The following TENM2 variants were observed in gnomAD, a reference collection of about 807,000 sequenced individuals.
TENM2 encodes teneurin transmembrane protein 2.
Under a neutral mutation model 245.2 loss-of-function variants are expected in TENM2, and 52 were observed. That is an observed-to-expected ratio of 0.21 (90% CI 0.17 to 0.27). TENM2 has a LOEUF of 0.27. Ranked by LOEUF, TENM2 falls within the 10% of genes least tolerant of loss-of-function variation. The pLI is 1.00. For missense variants in TENM2, 3,046 were observed against 3,666.8 expected (o/e 0.83, Z 4.37); for synonymous variants, 1,363 against 1,438.9 (o/e 0.95, Z 1.19).
At chr5:167,561,360 G>T (rs1157472425) in intron 2 of TENM2, among the ~76,000 whole-genome samples, 1 of 152,144 alleles carries the variant, frequency 6.6e-6, no homozygotes, top group Non-Finnish European at 1.5e-5. Flanking sequence ...GGAGCCCAAG[G>T]TCATTGTATA....
At chr5:167,051,285 T>C in the TENM2 span, among the ~76,000 whole-genome samples, 1 of 151,970 alleles carries the variant, frequency 6.6e-6, no homozygotes, top group Non-Finnish European at 1.5e-5. Context: ...CTGTGCCACA[T>C]TTATTTTTAT....
chr5:167,319,641 T>C (rs1756595857), intron 1 of TENM2, among the ~76,000 whole-genome samples: 2 of 152,172 alleles, frequency 1.3e-5, no homozygotes, highest in Admixed American at 6.5e-5. Context: ...ATAACATGCA[T>C]CTATTTGAAG....
chr5:167,823,871 G>T (rs1767743444), intron 2 of TENM2, among the ~76,000 whole-genome samples: 1 of 152,176 alleles, frequency 6.6e-6, no homozygotes, highest in Non-Finnish European at 1.5e-5. Context: ...GGCTGGGGAA[G>T]TAGAGAAGCT....
At chr5:167,490,374 A>G (rs1005770796) in intron 2 of TENM2, among the ~76,000 whole-genome samples, 1 of 150,686 alleles carries the variant, frequency 6.6e-6, no homozygotes, top group Admixed American at 6.7e-5. Context: ...CAAAACAGAG[A>G]TATTAATATC....
chr5:167,207,295 G>C, the TENM2 span, among the ~76,000 whole-genome samples: 1 of 152,132 alleles, frequency 6.6e-6, no homozygotes, highest in Admixed American at 6.5e-5. Flanking sequence ...ACACATGAAC[G>C]GGACACGCCC....
chr5:167,839,600 A>G (rs1404733242), intron 2 of TENM2, among the ~76,000 whole-genome samples: 1 of 151,996 alleles, frequency 6.6e-6, no homozygotes, highest in Non-Finnish European at 1.5e-5. Context: ...TAAAGAATGG[A>G]GACCAAAATG....
At chr5:167,088,239 G>A in the TENM2 span, among the ~76,000 whole-genome samples, 1 of 152,058 alleles carries the variant, frequency 6.6e-6, no homozygotes, top group African/African-American at 2.4e-5. Flanking sequence ...TCCTGTATTT[G>A]GAAATAAATC....
chr5:167,524,774 AAC>A (rs888568378), intron 2 of TENM2, among the ~76,000 whole-genome samples: 1 of 151,732 alleles, frequency 6.6e-6, no homozygotes, highest in African/African-American at 2.4e-5. Flanking sequence ...CTATTTTCGA[AAC>A]AGTTCCCCAA....
At chr5:167,832,566 C>T (rs1428443999) in intron 2 of TENM2, among the ~76,000 whole-genome samples, 2 of 151,804 alleles carry the variant, frequency 1.3e-5, no homozygotes, top group South Asian at 2.1e-4. Context: ...TGCATGTTAG[C>T]ATATATGTGC....
At chr5:168,039,612 G>A (rs1009239953) in intron 5 of TENM2, among the ~76,000 whole-genome samples, 3 of 152,152 alleles carry the variant, frequency 2.0e-5, no homozygotes, top group East Asian at 3.9e-4. Flanking sequence ...CACTCTGTGC[G>A]GCTAATGGCT....
At chr5:167,881,508 C>T (rs895421817) in intron 3 of TENM2, among the ~76,000 whole-genome samples, 2 of 152,106 alleles carry the variant, frequency 1.3e-5, no homozygotes, top group African/African-American at 4.8e-5. Context: ...CTATAGTAAC[C>T]ACCTTTATTT....
chr5:167,352,809 A>G (rs888974321), intron 1 of TENM2, among the ~76,000 whole-genome samples: 7 of 152,230 alleles, frequency 4.6e-5, no homozygotes, highest in African/African-American at 1.4e-4. Context: ...CATTAACGCA[A>G]AATAATAAGT....
chr5:167,950,964 T>C lies in TENM2; in HGVS notation c.713-1624T>C, dbSNP rs183392012. On this transcript the variant is annotated intron_variant, in intron 3 of 28. Coordinates refer to ENST00000518659, the Ensembl canonical transcript of TENM2. ...ACTGGGTTTTTGTTGTCACTGTCCT[T>C]TTCTAAACATCACAAAGAAAACAAA... Among the ~76,000 whole-genome samples the C allele has an allele frequency of 9.4e-4, 143 of 152,312 alleles. 1 individual carries two copies. The highest frequency in any genetic ancestry group is 4.0e-3 in the Admixed American group (61 of 15,290).
At chr5:167,832,192 T>C (rs1289454598) in intron 2 of TENM2, among the ~76,000 whole-genome samples, 1 of 152,180 alleles carries the variant, frequency 6.6e-6, no homozygotes, top group Non-Finnish European at 1.5e-5. Context: ...ATTAAAAAAT[T>C]AAAGAGGAAA....
At chr5:168,043,793 T>C (rs1408895960) in intron 5 of TENM2, among the ~76,000 whole-genome samples, 1 of 152,234 alleles carries the variant, frequency 6.6e-6, no homozygotes, top group Non-Finnish European at 1.5e-5. Context: ...TGATAAAGTA[T>C]GTGCTGAATT....
intron 2 of TENM2, among the ~76,000 whole-genome samples, chr5:167,491,938 A>G (rs1242253237): frequency 6.6e-6 from 1 of 152,176 alleles, no homozygotes; most frequent in Non-Finnish European, 1.5e-5. Context: ...CTGCCCTAAC[A>G]AAGCAGAATA....
chr5:167,310,460 T>C (rs1399242529), intron 1 of TENM2, among the ~76,000 whole-genome samples: 1 of 152,132 alleles, frequency 6.6e-6, no homozygotes, highest in African/African-American at 2.4e-5. Flanking sequence ...CTGGCACTTG[T>C]TTTTTTCAAA....
chr5:167,072,730 C>G, the TENM2 span, among the ~76,000 whole-genome samples: 40 of 152,252 alleles, frequency 2.6e-4, no homozygotes, highest in South Asian at 7.1e-3. Context: ...ATGATATACC[C>G]CACATGCTAT....
At chr5:167,948,584 A>C (rs1261812201) in intron 3 of TENM2, among the ~76,000 whole-genome samples, 1 of 152,234 alleles carries the variant, frequency 6.6e-6, no homozygotes. Flanking sequence ...AATAAATTCC[A>C]GGTTCTGGAC....
Sources: allele counts gnomAD v4.1 joint callset (sites outside exome capture counted in the v4.1 genomes callset), GRCh38; gene constraint gnomAD v4.1.1; transcripts MANE v1.5; gene names NCBI Gene and HGNC (gene_info 2026-07-23, HGNC 2026-07-21).